The following SORCS2 variants were observed in gnomAD, a reference collection of about 807,000 sequenced individuals.
SORCS2 encodes VPS10 domain-containing receptor SorCS2.
In SORCS2, 100 loss-of-function variants were observed where a neutral mutation model predicts 141.6. The observed-to-expected ratio is 0.71, with a 90% CI of 0.60 to 0.83. SORCS2 has a LOEUF of 0.83. Among genes scored for constraint, SORCS2 ranks in the 40% least tolerant of loss-of-function variants. The pLI is 0.00. For synonymous variants in SORCS2, 789 were observed against 676.9 expected (o/e 1.17, Z -2.57); for missense variants, 1,646 against 1,560.2 (o/e 1.05, Z -0.93).
At chr4:7,567,394 C>T (rs991943886) in intron 3 of SORCS2, among the ~76,000 whole-genome samples, 2 of 142,112 alleles carry the variant, frequency 1.4e-5, no homozygotes, top group Non-Finnish European at 3.0e-5. Context: ...CTCAGACTTC[C>T]CTTGTTTGTG....
At chr4:7,646,446 C>T (rs1188659848) in intron 4 of SORCS2, among the ~76,000 whole-genome samples, 1 of 152,158 alleles carries the variant, frequency 6.6e-6, no homozygotes, top group African/African-American at 2.4e-5. Flanking sequence ...GGGTGGGCTC[C>T]AATCCCATTT....
chr4:7,351,191 C>T (rs549199310), intron 1 of SORCS2, among the ~76,000 whole-genome samples: 3 of 152,308 alleles, frequency 2.0e-5, no homozygotes, highest in African/African-American at 7.2e-5. Flanking sequence ...GTCACTGTCA[C>T]CGCAGTGTAA....
At chr4:7,299,539 T>A (rs1365659694) in intron 1 of SORCS2, among the ~76,000 whole-genome samples, 1 of 152,198 alleles carries the variant, frequency 6.6e-6, no homozygotes, top group African/African-American at 2.4e-5. Flanking sequence ...CACCCACACC[T>A]CTAGGAAGCG....
chr4:7,368,749 G>A (rs543588698), intron 1 of SORCS2, among the ~76,000 whole-genome samples: 1 of 152,334 alleles, frequency 6.6e-6, no homozygotes, highest in African/African-American at 2.4e-5. Flanking sequence ...AAGTGATGTG[G>A]TTTGGCTGTG....
chr4:7,656,749 G>A (rs1721802959), intron 5 of SORCS2, among the ~76,000 whole-genome samples: 1 of 152,198 alleles, frequency 6.6e-6, no homozygotes, highest in Non-Finnish European at 1.5e-5. Context: ...TCCAGGCCTG[G>A]CCCTGGTGCA....
intron 3 of SORCS2, among the ~76,000 whole-genome samples, chr4:7,622,675 G>A (rs1191389069): frequency 6.6e-6 from 1 of 152,084 alleles, no homozygotes; most frequent in African/African-American, 2.4e-5. Flanking sequence ...CTTCATGCAG[G>A]ACGGATATCT....
At chr4:7,253,825 G>A (rs945520629) in intron 1 of SORCS2, among the ~76,000 whole-genome samples, 3 of 152,252 alleles carry the variant, frequency 2.0e-5, no homozygotes, top group African/African-American at 4.8e-5. Context: ...ACGGGATTCC[G>A]TGGATGGAAT....
At chr4:7,598,949 T>C (rs1717468885) in intron 3 of SORCS2, among the ~76,000 whole-genome samples, 1 of 152,180 alleles carries the variant, frequency 6.6e-6, no homozygotes, top group Non-Finnish European at 1.5e-5. Flanking sequence ...AGCCTGGCTG[T>C]TGTTTTCCAT....
At chr4:7,620,385 T>C (rs1719084011) in intron 3 of SORCS2, among the ~76,000 whole-genome samples, 1 of 152,196 alleles carries the variant, frequency 6.6e-6, no homozygotes. Context: ...GACATCCTGC[T>C]CCTGCCTGCA....
chr4:7,319,657 T>A (rs540159139), intron 1 of SORCS2, among the ~76,000 whole-genome samples: 86 of 152,278 alleles, frequency 5.6e-4, no homozygotes, highest in African/African-American at 1.9e-3. Context: ...GAGGCTGCAG[T>A]GAACTATGAT....
At chr4:7,617,006 T>G (rs1012233525) in intron 3 of SORCS2, among the ~76,000 whole-genome samples, 3 of 152,224 alleles carry the variant, frequency 2.0e-5, no homozygotes, top group Admixed American at 2.0e-4. Context: ...TTGGTCACTC[T>G]TCTCTCCACA....
At chr4:7,332,878 C>G (rs74629488) in intron 1 of SORCS2, among the ~76,000 whole-genome samples, 1 of 152,200 alleles carries the variant, frequency 6.6e-6, no homozygotes, top group African/African-American at 2.4e-5. Flanking sequence ...CCCAGGCTTA[C>G]GTCCCAGCTC....
chr4:7,322,214 T>C (rs751233735), intron 1 of SORCS2, among the ~76,000 whole-genome samples: 1 of 152,148 alleles, frequency 6.6e-6, no homozygotes, highest in Non-Finnish European at 1.5e-5. Flanking sequence ...ACCCAGTGCT[T>C]GTCCTAGGGG....
At chr4:7,256,811 T>A (rs1713912070) in intron 1 of SORCS2, among the ~76,000 whole-genome samples, 1 of 139,748 alleles carries the variant, frequency 7.2e-6, no homozygotes, top group African/African-American at 2.6e-5. Context: ...GAGTGTGAGG[T>A]CTGTTGGGGG....
At chr4:7,352,157 T>C (rs1720981609) in intron 1 of SORCS2, among the ~76,000 whole-genome samples, 1 of 152,202 alleles carries the variant, frequency 6.6e-6, no homozygotes. Flanking sequence ...TCTTTCAGAA[T>C]TTTCATCCCT....
chr4:7,522,931 C>T (rs62637862), intron 2 of SORCS2, among the ~76,000 whole-genome samples: 1 of 10,528 alleles, frequency 9.5e-5, no homozygotes, highest in Non-Finnish European at 2.4e-4. Flanking sequence ...CTCCCTGTTC[C>T]CCCTCCCTCT....
intron 2 of SORCS2, among the ~76,000 whole-genome samples, chr4:7,423,717 C>T (rs1374936972): frequency 2.0e-5 from 3 of 152,196 alleles, no homozygotes; most frequent in Admixed American, 6.5e-5. Flanking sequence ...GAGACCCAGG[C>T]TGCCCCACGG....
In SORCS2 at chr4:7,434,711, G is replaced by C. The variant is rs569925032; in HGVS notation, c.548+38356G>C. On this transcript the variant is annotated intron_variant, in intron 2 of 26. Transcript: ENST00000507866. ...TCGCAGGGCAGAGACTTCGCGGTGG[G>C]TTTGTTCCATACGGCCCCTTGGCAG... 1.2e-5 allele frequency: 19 copies of C among 1,613,050 alleles called. No individual in the cohort carries two copies. In the South Asian group the frequency reaches 2.1e-4, roughly 18 times the overall value.
chr4:7,257,026 G>T (rs1713933680), intron 1 of SORCS2, among the ~76,000 whole-genome samples: 1 of 152,176 alleles, frequency 6.6e-6, no homozygotes, highest in African/African-American at 2.4e-5. Flanking sequence ...AAGCTCAATA[G>T]GAACTTCTCA....
Sources: gnomAD v4.1 joint callset for allele counts (sites outside exome capture counted in the v4.1 genomes callset) on GRCh38, gnomAD v4.1.1 for gene constraint, MANE v1.5 for transcripts, NCBI Gene and HGNC (gene_info 2026-07-23, HGNC 2026-07-21) for gene names.